PEBP4: variants seen among roughly 807,000 people sequenced by gnomAD.
PEBP4 encodes the protein phosphatidylethanolamine-binding protein 4.
In PEBP4, 22 loss-of-function variants were observed where a neutral mutation model predicts 23.9. The observed-to-expected ratio is 0.92, with a 90% CI of 0.66 to 1.31. The LOEUF (loss-of-function observed/expected upper bound fraction) is 1.31. Ranked by LOEUF, PEBP4 falls within the 40% of genes most tolerant of loss-of-function variation. PEBP4 has a pLI of 0.00. For missense variants in PEBP4, 324 were observed against 281.7 expected, an observed-to-expected ratio of 1.15 and a Z score of -1.07; for synonymous variants, 112 against 99.3, an observed-to-expected ratio of 1.13 and a Z score of -0.76.
chr8:22,724,737 G>A lies in PEBP4; in HGVS notation c.517+106C>T, dbSNP rs1244378170. On this transcript the variant is annotated intron_variant, in intron 6 of 6. Coordinates refer to ENST00000256404, the MANE Select transcript of PEBP4 (RefSeq NM_144962.3). ...CCAGCCTTCGACCCCAGTCTCCAAGGCTCATGAGTGGGGGTCAAGGCCCCA... is the reference window on the plus strand; with the variant it reads ...CCAGCCTTCGACCCCAGTCTCCAAGACTCATGAGTGGGGGTCAAGGCCCCA... The A allele has an allele frequency of 3.7e-6, 3 of 809,402 alleles. No individual in the cohort carries two copies. The African/African-American group carries it at 5.1e-5, about 14-fold the overall frequency. 50.1% of individuals were successfully genotyped at this position (809,402 alleles called of 1,614,324 possible). A position where few individuals can be genotyped will look rare whatever the true frequency, so the allele number is the denominator to read the frequency against.
At chr8:22,927,196 C>T (rs1809358137) in intron 2 of PEBP4, among the ~76,000 whole-genome samples, 1 of 152,156 alleles carries the variant, frequency 6.6e-6, no homozygotes, top group African/African-American at 2.4e-5. Flanking sequence ...TTCTTTCATT[C>T]AAATGCCTCT....
chr8:22,843,771 T>C (rs1807372255), intron 3 of PEBP4, among the ~76,000 whole-genome samples: 1 of 152,104 alleles, frequency 6.6e-6, no homozygotes, highest in African/African-American at 2.4e-5. Flanking sequence ...CACTCCTGAG[T>C]TATCTGGGAA....
intron 4 of PEBP4, chr8:22,757,272 C>T (rs927694151): frequency 1.3e-5 from 2 of 152,252 alleles, no homozygotes; most frequent in South Asian, 2.1e-4. Context: ...GGGGTTTGTA[C>T]TCACACCACG....
chr8:22,816,608 T>G (rs1585288976), intron 4 of PEBP4, among the ~76,000 whole-genome samples: 1 of 152,332 alleles, frequency 6.6e-6, no homozygotes, highest in Middle Eastern at 3.4e-3. Flanking sequence ...AGCAGCACAT[T>G]TCCCATATTA....
intron 4 of PEBP4, among the ~76,000 whole-genome samples, chr8:22,735,034 C>CTG (rs1283498099): frequency 3.3e-5 from 5 of 152,030 alleles, no homozygotes; most frequent in Non-Finnish European, 7.4e-5. Flanking sequence ...CGTCTTGCAG[C>CTG]TGTGTGTGTG....
At chr8:22,827,824 G>C (rs1399668887) in intron 3 of PEBP4, among the ~76,000 whole-genome samples, 2 of 152,152 alleles carry the variant, frequency 1.3e-5, no homozygotes, top group Admixed American at 6.5e-5. Flanking sequence ...TTTTCAAAGT[G>C]GTTGCTCCAT....
intron 3 of PEBP4, among the ~76,000 whole-genome samples, chr8:22,822,506 T>C (rs1193585687): frequency 6.6e-6 from 1 of 152,122 alleles, no homozygotes; most frequent in Non-Finnish European, 1.5e-5. Context: ...AATAAAGCCA[T>C]ATGCCCTCTC....
intron 3 of PEBP4, among the ~76,000 whole-genome samples, chr8:22,875,072 T>C (rs967347009): frequency 6.6e-6 from 1 of 152,116 alleles, no homozygotes; most frequent in African/African-American, 2.4e-5. Flanking sequence ...ACTCACAGCC[T>C]GACCATCCTT....
At chr8:22,768,506 C>T (rs565020492) in intron 4 of PEBP4, among the ~76,000 whole-genome samples, 16 of 152,324 alleles carry the variant, frequency 1.1e-4, no homozygotes, top group African/African-American at 2.4e-4. Context: ...CAAGGCCCCA[C>T]GGTGCTGAGG....
intron 3 of PEBP4, among the ~76,000 whole-genome samples, chr8:22,919,929 G>A (rs1032168353): frequency 2.0e-5 from 3 of 152,176 alleles, no homozygotes; most frequent in Non-Finnish European, 4.4e-5. Flanking sequence ...CAGAGCAGGG[G>A]AGCAGGAAAA....
At chr8:22,730,418 G>A (rs1804706398) in intron 4 of PEBP4, among the ~76,000 whole-genome samples, 3 of 152,238 alleles carry the variant, frequency 2.0e-5, no homozygotes, top group African/African-American at 7.2e-5. Flanking sequence ...GCCCATGCCT[G>A]TAGTCTCAGC....
At chr8:22,790,661 G>A (rs1806119507) in intron 4 of PEBP4, among the ~76,000 whole-genome samples, 1 of 152,124 alleles carries the variant, frequency 6.6e-6, no homozygotes, top group African/African-American at 2.4e-5. Flanking sequence ...ACCTTTGAAG[G>A]CTCAGTGTTC....
At chr8:22,804,923 C>T (rs897909693) in intron 4 of PEBP4, among the ~76,000 whole-genome samples, 2 of 152,174 alleles carry the variant, frequency 1.3e-5, no homozygotes, top group Admixed American at 6.5e-5. Flanking sequence ...TCCCTCGGCC[C>T]GGCTGCCCTG....
chr8:22,787,028 G>T (rs1806043583), intron 4 of PEBP4, among the ~76,000 whole-genome samples: 1 of 152,090 alleles, frequency 6.6e-6, no homozygotes, highest in South Asian at 2.1e-4. Flanking sequence ...TCTCTGTGTT[G>T]CCCAGGCTGG....
intron 4 of PEBP4, among the ~76,000 whole-genome samples, chr8:22,802,163 G>C (rs561785770): frequency 6.6e-6 from 1 of 152,218 alleles, no homozygotes; most frequent in African/African-American, 2.4e-5. Context: ...AACAGAACCC[G>C]CTGCAGGAGG....
At chr8:22,916,670 G>A (rs561182534) in intron 3 of PEBP4, among the ~76,000 whole-genome samples, 1 of 121,102 alleles carries the variant, frequency 8.3e-6, no homozygotes, top group Non-Finnish European at 1.9e-5. Context: ...ATTCATTCAT[G>A]CATTCATGCA....
chr8:22,755,632 G>A (rs949398723), intron 4 of PEBP4: 1 of 152,076 alleles, frequency 6.6e-6, no homozygotes, highest in Non-Finnish European at 1.5e-5. Context: ...CACCGTGCTG[G>A]GGCAAAATTG....
intron 3 of PEBP4, among the ~76,000 whole-genome samples, chr8:22,852,398 C>T (rs2128767353): frequency 6.6e-6 from 1 of 152,216 alleles, no homozygotes; most frequent in Admixed American, 6.5e-5. Flanking sequence ...TTCCGGCACC[C>T]TCCCATCTTC....
intron 4 of PEBP4, among the ~76,000 whole-genome samples, chr8:22,767,370 C>T (rs1805630853): frequency 6.6e-6 from 1 of 152,180 alleles, no homozygotes. Flanking sequence ...GAATAATCCC[C>T]CCCACCAATT....
Sources: gnomAD v4.1 joint callset for allele counts (sites outside exome capture counted in the v4.1 genomes callset) on GRCh38, gnomAD v4.1.1 for gene constraint, MANE v1.5 for transcripts, NCBI Gene and HGNC (gene_info 2026-07-23, HGNC 2026-07-21) for gene names.